The following PRRC2B variants were observed in gnomAD, a reference collection of about 807,000 sequenced individuals.
The protein encoded by PRRC2B is proline rich coiled-coil 2B.
Under a neutral mutation model 242.3 loss-of-function variants are expected in PRRC2B, and 68 were observed. The observed-to-expected ratio is 0.28, with a 90% CI of 0.23 to 0.34. The LOEUF (loss-of-function observed/expected upper bound fraction) is 0.34. PRRC2B is among the 10% of genes least tolerant of loss of function. The pLI is 1.00. For synonymous variants in PRRC2B, 1,228 were observed against 1,173.6 expected (o/e 1.05, Z -0.95); for missense variants, 2,835 against 2,954.8 (o/e 0.96, Z 0.94).
rs1263786466 is a variant in PRRC2B, at chr9:131,388,865, G to A, written c.-56+15134G>A. Among the ~76,000 whole-genome samples the A allele has an allele frequency of 4.9e-4, 58 of 119,300 alleles. 3 individuals carry two copies. The highest frequency in any genetic ancestry group is 9.6e-4 in the Non-Finnish European group (55 of 57,274). 78.3% of individuals were successfully genotyped at this position (119,300 alleles called of 152,430 possible). A position where few individuals can be genotyped will look rare whatever the true frequency, so the allele number is the denominator to read the frequency against. On this transcript the variant is annotated intron_variant, in intron 1 of 1. Transcript: ENST00000682525. ...CTTTTTTTTTTTTTTTTTTGAGACGGAGTCTCGCTCCGTTGCCCAGGCTGG... is the reference window on the plus strand; with the variant it reads ...CTTTTTTTTTTTTTTTTTTGAGACGAAGTCTCGCTCCGTTGCCCAGGCTGG...
intron 9 of PRRC2B, among the ~76,000 whole-genome samples, chr9:131,449,610 A>G (rs564868566): frequency 1.3e-5 from 2 of 152,342 alleles, no homozygotes; most frequent in Admixed American, 1.3e-4. Context: ...ATTTTAAAAA[A>G]TTGAGTGGTA....
chr9:131,436,257 C>T (rs1335071536), intron 3 of PRRC2B, among the ~76,000 whole-genome samples: 1 of 152,098 alleles, frequency 6.6e-6, no homozygotes, highest in Non-Finnish European at 1.5e-5. Flanking sequence ...CCCACCTACT[C>T]AGAAGGCCGA....
chr9:131,424,700 A>G (rs1837935403), intron 1 of PRRC2B, among the ~76,000 whole-genome samples: 2 of 152,148 alleles, frequency 1.3e-5, no homozygotes, highest in South Asian at 4.1e-4. Context: ...AAAGAAAAGA[A>G]AAGAAAAGAT....
At chr9:131,384,267 T>C (rs971829391) in intron 1 of PRRC2B, among the ~76,000 whole-genome samples, 2 of 145,284 alleles carry the variant, frequency 1.4e-5, no homozygotes, top group African/African-American at 5.4e-5. Context: ...CTAATTTTTG[T>C]ATGTATGTAT....
At chr9:131,451,491 T>A (rs977513419) in intron 9 of PRRC2B, among the ~76,000 whole-genome samples, 2 of 152,254 alleles carry the variant, frequency 1.3e-5, no homozygotes, top group African/African-American at 2.4e-5. Flanking sequence ...TTTGTTGATT[T>A]CTTAGAGTTT....
intron 9 of PRRC2B, among the ~76,000 whole-genome samples, chr9:131,453,419 C>G (rs890668464): frequency 1.3e-5 from 2 of 151,792 alleles, no homozygotes; most frequent in Non-Finnish European, 2.9e-5. Flanking sequence ...TTTATTTTTT[C>G]TAGAGTTGGG....
Position 131,475,150 on chromosome 9 carries a change from C to T in PRRC2B, c.3021C>T (p.Gly1007=), listed in dbSNP as rs1418087597. ...CCACCACCACTTTGGAGGACAAAGG[C>T]CCTGGCCATGCCACTTTTGGCCGCG... ...NSSTTTLEDK[G]PGHATFGREA... The change falls in exon 16 of 32, where the codon GGC becomes GGT. Residue 1007 remains glycine (G), a synonymous_variant. Transcript: ENST00000683519. 1 of 1,613,048 alleles carries T rather than the reference C, an allele frequency of 6.2e-7. No individual in the cohort carries two copies. The highest frequency in any genetic ancestry group is 8.5e-7 in the Non-Finnish European group (1 of 1,179,504).
intron 3 of PRRC2B, 139 bp from the exon 4 acceptor site, chr9:131,436,481 C>A: frequency 1.7e-6 from 1 of 594,888 alleles, no homozygotes; most frequent in Non-Finnish European, 2.9e-6. Flanking sequence ...TAAGAATCTA[C>A]TGGGGAAAGT....
Position 131,436,631 on chromosome 9 carries a change from C to T in PRRC2B, c.305C>T (p.Thr102Met), listed in dbSNP as rs556597578. The T allele has an allele frequency of 1.7e-5, 28 of 1,613,610 alleles. No homozygotes were observed. The highest frequency in any genetic ancestry group is 2.7e-5 in the African/African-American group (2 of 75,070). ...DQQDPKSSSA[T>M]ASQPPESLPQ... is the part of the protein sequence containing the mutation. ...CTGCCTTTGTCTAGTTCCAGTGCGA[C>T]GGCCTCTCAGCCGCCGGAGTCGCTG... is the stretch of plus-strand genomic sequence containing the variant. Residue 102 changes from threonine to methionine, a missense_variant, in exon 4 of 32, where the codon ACG (threonine) becomes ATG (methionine). By Grantham distance (81) the Thr-to-Met change is moderately conservative. Around this residue, in one of 7 missense-constraint regions of PRRC2B, gnomAD observed 626 missense variants for 685.5 expected, o/e 0.91. Transcript: ENST00000683519.
chr9:131,456,637 CAAA>C (rs879880633), intron 10 of PRRC2B, among the ~76,000 whole-genome samples: 1 of 140,814 alleles, frequency 7.1e-6, no homozygotes. Flanking sequence ...GACTCCACCT[CAAA>C]AAAAAAAAAT....
rs1445587903 is a variant in PRRC2B at position 131,488,135 on chromosome 9, C to G, written c.6225+39C>G. On this transcript the variant is annotated intron_variant, in intron 28 of 31. Coordinates refer to ENST00000683519, the MANE Select transcript of PRRC2B (RefSeq NM_013318.4). Reference sequence around the variant, plus strand: ...TCACTCTACCCAAAGCCCTAGGCTTCTTTCCTTCACGACCTTGCCTTTTCT... The same window carrying G: ...TCACTCTACCCAAAGCCCTAGGCTTGTTTCCTTCACGACCTTGCCTTTTCT... 3.2e-6 allele frequency: 5 copies of G among 1,585,462 alleles called. No individual in the cohort carries two copies. The African/African-American group carries it at 4.0e-5, about 13-fold the overall frequency.
intron 19 of PRRC2B, among the ~76,000 whole-genome samples, chr9:131,479,895 TAGAAC>T (rs1943809266): frequency 6.6e-6 from 1 of 152,194 alleles, no homozygotes; most frequent in Non-Finnish European, 1.5e-5. Flanking sequence ...CGTTACTTCT[TAGAAC>T]ATTTGTTGCC....
chr9:131,459,235 C>T lies in PRRC2B; in HGVS notation c.1283C>T (p.Thr428Ile). ...GCAGACAGTGCGGACGCTAAGCGGA[C>T]TCGAGAGGAAGGGAAGGACTGGGCT... is the stretch of plus-strand genomic sequence containing the variant. ...SSADSADAKRTREEGKDWAEA... is the reference protein window; with the variant it reads ...SSADSADAKRIREEGKDWAEA... The change falls in exon 11 of 32, where the codon ACT (threonine) becomes ATT (isoleucine). Residue 428 changes from threonine (T) to isoleucine (I), a missense_variant. Around this residue, in one of 7 missense-constraint regions of PRRC2B, gnomAD observed 626 missense variants for 685.5 expected, o/e 0.91. Transcript: ENST00000683519. The T allele has an allele frequency of 6.2e-7, 1 of 1,613,942 alleles. No individual in the cohort carries two copies. The highest frequency in any genetic ancestry group is 8.5e-7 in the Non-Finnish European group (1 of 1,179,870).
chr9:131,466,005 G>A (rs1943386171), intron 12 of PRRC2B, among the ~76,000 whole-genome samples: 1 of 152,256 alleles, frequency 6.6e-6, no homozygotes, highest in Non-Finnish European at 1.5e-5. Context: ...GATTACAGGC[G>A]TGAGCCACTG....
chr9:131,464,729 C>G, intron 11 of PRRC2B, 34 bp from the exon 12 acceptor site: 1 of 1,536,958 alleles, frequency 6.5e-7, no homozygotes, highest in Non-Finnish European at 8.8e-7. Context: ...GGTCCCGGAC[C>G]CACCGCCTTA....
intron 10 of PRRC2B, among the ~76,000 whole-genome samples, chr9:131,458,958 C>T (rs1943163795): frequency 6.6e-6 from 1 of 152,050 alleles, no homozygotes; most frequent in Non-Finnish European, 1.5e-5. Flanking sequence ...ACATATCGTG[C>T]CTGGGGCTCT....
intron 1 of PRRC2B, among the ~76,000 whole-genome samples, chr9:131,398,559 C>T (rs1387648591): frequency 6.6e-6 from 1 of 152,220 alleles, no homozygotes; most frequent in Non-Finnish European, 1.5e-5. Context: ...TCCAAGATAA[C>T]CATCAGTCTT....
chr9:131,420,725 G>C (rs1315348362), intron 1 of PRRC2B, among the ~76,000 whole-genome samples: 4 of 151,480 alleles, frequency 2.6e-5, no homozygotes, highest in Admixed American at 6.6e-5. Flanking sequence ...CCTGACCTCA[G>C]GTGCACCTCA....
chr9:131,437,531 G>T (rs1323642016), intron 4 of PRRC2B, among the ~76,000 whole-genome samples: 1 of 152,202 alleles, frequency 6.6e-6, no homozygotes. Context: ...AGTAGACGTA[G>T]ATATCTCATA....
Sources: gnomAD v4.1 joint callset for allele counts (sites outside exome capture counted in the v4.1 genomes callset) on GRCh38, gnomAD v4.1.1 for gene constraint, gnomAD v4.1.1 regional missense constraint, MANE v1.5 for transcripts, NCBI Gene and HGNC (gene_info 2026-07-23, HGNC 2026-07-21) for gene names.